Variants in RASGRP1 observed in about 807,000 individuals in gnomAD.
The protein encoded by RASGRP1 is RAS guanyl-releasing protein 1.
A neutral mutation model predicts 95.1 loss-of-function variants in RASGRP1; 37 were observed. That is an observed-to-expected ratio of 0.39 (90% CI 0.30 to 0.51). The LOEUF is 0.51. Among genes scored for constraint, RASGRP1 ranks in the 20% least tolerant of loss-of-function variants. The pLI, the probability that RASGRP1 is intolerant of heterozygous loss-of-function variation, is 0.80. For synonymous variants in RASGRP1, 325 were observed against 353.4 expected (o/e 0.92, Z 0.90); for missense variants, 711 against 965.4 (o/e 0.74, Z 3.49).
intron 2 of RASGRP1, among the ~76,000 whole-genome samples, chr15:38,532,810 C>T (rs1386901870): frequency 6.6e-6 from 1 of 152,144 alleles, no homozygotes; most frequent in African/African-American, 2.4e-5. Flanking sequence ...ATCTGAAGAA[C>T]CATATGAAAA....
At chr15:38,526,509 A>G (rs1374690566) in intron 2 of RASGRP1, 105 bp from the exon 3 acceptor site, 1 of 773,238 alleles carries the variant, frequency 1.3e-6, no homozygotes, top group East Asian at 2.7e-5. Flanking sequence ...CTTCAGGCAC[A>G]GTGATTTTCT....
intron 2 of RASGRP1, among the ~76,000 whole-genome samples, chr15:38,529,692 C>G (rs1892363650): frequency 6.6e-6 from 1 of 152,170 alleles, no homozygotes; most frequent in South Asian, 2.1e-4. Context: ...AACTATATTT[C>G]CAGGGCCTAG....
At chr15:38,505,425 T>G (rs1891213381) in intron 10 of RASGRP1, among the ~76,000 whole-genome samples, 1 of 152,190 alleles carries the variant, frequency 6.6e-6, no homozygotes, top group Non-Finnish European at 1.5e-5. Flanking sequence ...AGTACGCATA[T>G]TACTCTCATT....
At chr15:38,539,792 A>G (rs973156057) in intron 2 of RASGRP1, among the ~76,000 whole-genome samples, 7 of 152,020 alleles carry the variant, frequency 4.6e-5, no homozygotes, top group Non-Finnish European at 8.8e-5. Context: ...TCATTGTTCA[A>G]TTCCCACCTA....
rs1483909448 is a variant in RASGRP1, at chr15:38,498,832, G to A, written c.1835C>T (p.Ser612Phe). Reference protein sequence around the residue: ...TENNTSVGPVSNLCSLGAKDL... With the variant: ...TENNTSVGPVFNLCSLGAKDL... ...TTTGGCTCCCAATGAGCAAAGGTTG[G>A]ACACTGGCCCCACAGAAGTGTTGTT... The change falls in exon 15 of 17, where the codon TCC (serine) becomes TTC (phenylalanine). Residue 612 changes from serine (S) to phenylalanine (F), a missense_variant. By Grantham distance (155) the Ser-to-Phe change is radical (BLOSUM62 -2). Around this residue, in one of 3 missense-constraint regions of RASGRP1, gnomAD observed 212 missense variants for 247.8 expected, o/e 0.86. Coordinates refer to ENST00000310803, the MANE Select transcript of RASGRP1 (RefSeq NM_005739.4). 6.2e-7 allele frequency: 1 copy of A among 1,613,718 alleles called. No individual in the cohort carries two copies. Among genetic ancestry groups the A allele is most frequent in the Non-Finnish European group, 8.5e-7 (1 of 1,179,852 alleles).
At chr15:38,495,641 C>G (rs1234643524) in intron 15 of RASGRP1, among the ~76,000 whole-genome samples, 1 of 152,124 alleles carries the variant, frequency 6.6e-6, no homozygotes, top group Non-Finnish European at 1.5e-5. Flanking sequence ...TTACAAAGAT[C>G]TTAGTTTAAT....
At chr15:38,539,779 T>A (rs998438618) in intron 2 of RASGRP1, among the ~76,000 whole-genome samples, 2 of 151,970 alleles carry the variant, frequency 1.3e-5, no homozygotes, top group Non-Finnish European at 2.9e-5. Flanking sequence ...TGTCCATGTG[T>A]TCTCATTGTT....
intron 6 of RASGRP1, among the ~76,000 whole-genome samples, chr15:38,513,413 C>G (rs1162419686): frequency 2.0e-5 from 3 of 152,148 alleles, no homozygotes; most frequent in African/African-American, 7.2e-5. Context: ...CTATCTAGGA[C>G]ATAGAATTGT....
intron 2 of RASGRP1, among the ~76,000 whole-genome samples, chr15:38,545,742 T>C (rs1256122748): frequency 6.6e-6 from 1 of 152,154 alleles, no homozygotes; most frequent in Non-Finnish European, 1.5e-5. Context: ...AAAAGTATTA[T>C]AGTACCTAAT....
At chr15:38,518,479 T>C in intron 4 of RASGRP1, 56 bp from the exon 5 acceptor site, 1 of 1,554,058 alleles carries the variant, frequency 6.4e-7, no homozygotes, top group Non-Finnish European at 8.7e-7. Flanking sequence ...GACTCACAAT[T>C]TGTTGGGTTC....
Position 38,541,113 on chromosome 15 carries a change from C to T in RASGRP1, c.221-14709G>A, listed in dbSNP as rs189989497. ...TAGAAATACCACCAGGCAACCCTGA[C>T]TTACATTTGTATAGCACTTTGTACT... On this transcript the variant is annotated intron_variant, in intron 2 of 16. Transcript: ENST00000310803. Among the ~76,000 whole-genome samples, 135 of 152,322 alleles carry T rather than the reference C, an allele frequency of 8.9e-4. 1 individual carries two copies. The highest frequency in any genetic ancestry group is 1.5e-3 in the Non-Finnish European group (101 of 68,026).
chr15:38,564,691 C>T lies in RASGRP1; in HGVS notation c.-63G>A, dbSNP rs1490101356. On this transcript the variant is annotated 5_prime_UTR_variant, in exon 1 of 17. Coordinates refer to ENST00000310803, the MANE Select transcript of RASGRP1 (RefSeq NM_005739.4). ...GCGGCCGGGCGCGGCGCATCGCCCC[C>T]GCCACCACCGCCGCCGCCTGCCGGC... The T allele has an allele frequency of 5.1e-6, 6 of 1,181,990 alleles. No homozygotes were observed. In the South Asian group the frequency reaches 1.7e-4, roughly 33 times the overall value. 73.2% of individuals were successfully genotyped at this position (1,181,990 alleles called of 1,614,324 possible).
intron 1 of RASGRP1, among the ~76,000 whole-genome samples, chr15:38,562,096 T>A (rs1159409872): frequency 6.6e-6 from 1 of 152,246 alleles, no homozygotes; most frequent in African/African-American, 2.4e-5. Context: ...CCTCTCTGGC[T>A]TTATTCATTT....
chr15:38,490,738 A>C (rs758642739), intron 16 of RASGRP1, 50 bp from the exon 17 acceptor site: 2 of 1,526,860 alleles, frequency 1.3e-6, no homozygotes, highest in Admixed American at 3.8e-5. Context: ...AATGAATAGC[A>C]AATGAATTAC....
intron 1 of RASGRP1, among the ~76,000 whole-genome samples, chr15:38,564,195 G>C (rs925594648): frequency 1.3e-5 from 2 of 152,222 alleles, no homozygotes; most frequent in Admixed American, 1.3e-4. Context: ...GGGCCACCAG[G>C]TGGCGCAGCC....
intron 12 of RASGRP1, among the ~76,000 whole-genome samples, 200 bp downstream of exon 12, chr15:38,502,112 C>T (rs964887903): frequency 1.3e-5 from 2 of 152,178 alleles, no homozygotes; most frequent in African/African-American, 4.8e-5. Flanking sequence ...ACCTCGGCCT[C>T]CCAAAGTGTT....
At chr15:38,540,544 T>C (rs988200742) in intron 2 of RASGRP1, among the ~76,000 whole-genome samples, 1 of 152,126 alleles carries the variant, frequency 6.6e-6, no homozygotes, top group Non-Finnish European at 1.5e-5. Context: ...ATTAAGACAG[T>C]TTTTAAGGAA....
rs1008801399 is a variant in RASGRP1, at chr15:38,489,710, TAAAC to T, written c.*840_*843del. 1 of 140,966 alleles carries T rather than the reference TAAAC, an allele frequency of 7.1e-6. No individual in the cohort carries two copies. Among genetic ancestry groups the T allele is most frequent in the African/African-American group, 2.6e-5 (1 of 37,752 alleles). The allele number at this position is 140,966 out of a possible 1,614,324, so 8.7% of individuals were successfully genotyped here. ...AAGAGAAAGATGGAACATGAAGAGT[TAAAC>T]AGACTCTTCATAGACTTTTTTTTTT... On this transcript the variant is annotated 3_prime_UTR_variant, in exon 17 of 17. Transcript: ENST00000310803.
rs1891113101 is a variant in RASGRP1, at chr15:38,503,336, G to A, written c.1364C>T (p.Ala455Val). The change falls in exon 11 of 17, where the codon GCT becomes GTT. Residue 455 changes from alanine to valine, a missense_variant. Coordinates refer to ENST00000310803, the MANE Select transcript of RASGRP1 (RefSeq NM_005739.4). ...ATCAGGTTTGGGAGACACTCCAGAA[G>A]CCCAGTCCACTACTACTGGTGGCTT... ...PSKPPVVVDW[A>V]SGVSPKPDPK... 1.2e-6 allele frequency: 2 copies of A among 1,612,544 alleles called. No homozygotes were observed. Among genetic ancestry groups the A allele is most frequent in the Non-Finnish European group, 1.7e-6 (2 of 1,179,326 alleles).
Sources: allele counts gnomAD v4.1 joint callset (sites outside exome capture counted in the v4.1 genomes callset), GRCh38; gene constraint gnomAD v4.1.1; regional missense constraint gnomAD v4.1.1; transcripts MANE v1.5; gene names NCBI Gene and HGNC (gene_info 2026-07-23, HGNC 2026-07-21).